WDFY3: variants seen among roughly 807,000 people sequenced by gnomAD.
The protein encoded by WDFY3 is WD repeat and FYVE domain containing 3, also known as WD repeat and FYVE domain-containing protein 3.
WDFY3 carries 66 observed loss-of-function variants against 409.6 expected under a neutral mutation model. That is an observed-to-expected ratio of 0.16 (90% CI 0.13 to 0.20). WDFY3 has a LOEUF of 0.20. Ranked by LOEUF, WDFY3 falls within the 10% of genes least tolerant of loss-of-function variation. The pLI is 1.00. For synonymous variants in WDFY3, 1,521 were observed against 1,537.1 expected, an observed-to-expected ratio of 0.99 and a Z score of 0.25; for missense variants, 3,031 against 4,298.1, an observed-to-expected ratio of 0.71 and a Z score of 8.24.
Position 84,709,118 on chromosome 4 carries a change from A to C in WDFY3, c.8098-90T>G. The C allele has an allele frequency of 3.3e-6, 5 of 1,526,770 alleles. No individual in the cohort carries two copies. The South Asian group carries it at 6.3e-5, about 19-fold the overall frequency. 94.6% of individuals were successfully genotyped at this position (1,526,770 alleles called of 1,614,324 possible). Reference sequence around the variant, plus strand: ...TTTTATATACAAAATGATGTAAAGGACAGTTTCTTTTTAACAGATTTCAGA... The same window carrying C: ...TTTTATATACAAAATGATGTAAAGGCCAGTTTCTTTTTAACAGATTTCAGA... On this transcript the variant is annotated intron_variant, in intron 52 of 67. Coordinates refer to ENST00000295888, the MANE Select transcript of WDFY3 (RefSeq NM_014991.6).
chr4:84,934,658 T>A (rs892709947), intron 1 of WDFY3, among the ~76,000 whole-genome samples: 4 of 152,284 alleles, frequency 2.6e-5, no homozygotes, highest in African/African-American at 9.6e-5. Flanking sequence ...TTTAATATAT[T>A]AATTATTACA....
At chr4:84,850,399 A>G (rs1318855372) in intron 4 of WDFY3, among the ~76,000 whole-genome samples, 1 of 151,970 alleles carries the variant, frequency 6.6e-6, no homozygotes, top group African/African-American at 2.4e-5. Flanking sequence ...GCTCACTGCA[A>G]CCTCTGCCTT....
At chr4:84,717,795 T>C (rs1399284175) in intron 48 of WDFY3, among the ~76,000 whole-genome samples, 1 of 152,144 alleles carries the variant, frequency 6.6e-6, no homozygotes, top group Non-Finnish European at 1.5e-5. Context: ...ACGCCTGTAA[T>C]CCCAACACTT....
intron 8 of WDFY3, 72 bp from the exon 9 acceptor site, chr4:84,829,262 T>A (rs2149900310): frequency 8.2e-7 from 1 of 1,219,596 alleles, no homozygotes; most frequent in Non-Finnish European, 1.1e-6. Flanking sequence ...AATTGTTAAC[T>A]GTTGTTTAAT....
intron 36 of WDFY3, among the ~76,000 whole-genome samples, chr4:84,747,502 C>A (rs953466078): frequency 1.1e-4 from 17 of 152,096 alleles, no homozygotes; most frequent in Non-Finnish European, 1.8e-4. Flanking sequence ...ATGGGGAGCT[C>A]TTGTAGAAGA....
rs1323121255 is a variant in WDFY3, at chr4:84,787,536, T to C, written c.3847A>G (p.Ile1283Val). 6 of 1,614,164 alleles carry C rather than the reference T, an allele frequency of 3.7e-6. No homozygotes were observed. The highest frequency in any genetic ancestry group is 1.7e-5 in the Admixed American group (1 of 60,008). The change falls in exon 23 of 68, where the codon ATT becomes GTT. Residue 1283 changes from isoleucine (I) to valine (V), a missense_variant. Physicochemically the swap from Ile to Val is conservative, Grantham distance 29. Transcript: ENST00000295888. Reference protein sequence around the residue: ...EVLPSSNVTTIYELGPNYVGS... With the variant: ...EVLPSSNVTTVYELGPNYVGS... The stretch of plus-strand genomic sequence containing the variant: ...ACATAATTTGGTCCAAGTTCATAAA[T>C]GGTAGTAACATTTGAAGAAGGTAAA...
rs751998298 is a variant in WDFY3 at position 84,704,400 on chromosome 4, T to C, written c.8380A>G (p.Met2794Val). 1.2e-6 allele frequency: 2 copies of C among 1,613,254 alleles called. No individual in the cohort carries two copies. Among genetic ancestry groups the C allele is most frequent in the Non-Finnish European group, 1.7e-6 (2 of 1,179,668 alleles). The part of the protein sequence containing the change: ...YHYGTHYSSA[M>V]IVASYLVRME... ...CTTACAAGGTATGAGGCCACAATCA[T>C]TGCAGATGAATAGTGGGTCCCATAG... Residue 2794 changes from methionine (M) to valine (V), a missense_variant, in exon 55 of 68, where the codon ATG becomes GTG. Coordinates refer to ENST00000295888, the MANE Select transcript of WDFY3 (RefSeq NM_014991.6).
At chr4:84,689,622 T>C (rs778859827) in intron 61 of WDFY3, among the ~76,000 whole-genome samples, 4 of 152,206 alleles carry the variant, frequency 2.6e-5, no homozygotes, top group Non-Finnish European at 5.9e-5. Context: ...CTGTTTGAGT[T>C]TGGCTTTATA....
At chr4:84,678,318 G>A (rs1183257854) in intron 65 of WDFY3, 39 bp from the exon 66 acceptor site, 3 of 1,488,260 alleles carry the variant, frequency 2.0e-6, no homozygotes, top group Admixed American at 1.7e-5. Flanking sequence ...TAACTCAACT[G>A]AGAGAAGCCA....
chr4:84,893,569 G>A (rs1399039670), intron 3 of WDFY3, among the ~76,000 whole-genome samples: 1 of 152,100 alleles, frequency 6.6e-6, no homozygotes, highest in East Asian at 1.9e-4. Flanking sequence ...GATAAATTTA[G>A]AGTAGGTACA....
chr4:84,698,412 G>A (rs1286795376), intron 56 of WDFY3, among the ~76,000 whole-genome samples: 2 of 151,098 alleles, frequency 1.3e-5, no homozygotes, highest in African/African-American at 4.9e-5. Flanking sequence ...AGCCTCCCAC[G>A]TACAGGCACG....
rs1476467822 is a variant in WDFY3 at position 84,844,508 on chromosome 4, T to A, written c.305-3245A>T. The A allele has an allele frequency of 2.3e-6, 3 of 1,289,458 alleles. No homozygotes were observed. The Admixed American group carries it at 6.9e-5, about 30-fold the overall frequency. The allele number at this position is 1,289,458 out of a possible 1,614,324, so 79.9% of individuals were successfully genotyped here. ...TGGGGGACAGCAGGGCACACTGTTT[T>A]TCTGTTTAAAAAAAAAGGCTGGGTT... On this transcript the variant is annotated intron_variant, in intron 5 of 67. Coordinates refer to ENST00000295888, the MANE Select transcript of WDFY3 (RefSeq NM_014991.6).
chr4:84,893,983 C>T (rs186899773), intron 3 of WDFY3, among the ~76,000 whole-genome samples: 28 of 149,214 alleles, frequency 1.9e-4, no homozygotes, highest in Admixed American at 1.3e-3. Context: ...AGCAAGACTC[C>T]GTCTCAAAAA....
intron 5 of WDFY3, among the ~76,000 whole-genome samples, chr4:84,843,639 T>A (rs1757687420): frequency 6.6e-6 from 1 of 152,154 alleles, no homozygotes; most frequent in Non-Finnish European, 1.5e-5. Flanking sequence ...ATTCAAGTGA[T>A]CCTCCTGTCT....
At chr4:84,877,924 C>T (rs1314260256) in intron 3 of WDFY3, among the ~76,000 whole-genome samples, 1 of 151,936 alleles carries the variant, frequency 6.6e-6, no homozygotes, top group African/African-American at 2.4e-5. Context: ...TTAAAATAGA[C>T]CAAAGGGGGC....
At chr4:84,736,413 C>T in intron 41 of WDFY3, 86 bp from the exon 42 acceptor site, 1 of 1,309,738 alleles carries the variant, frequency 7.6e-7, no homozygotes, top group Non-Finnish European at 1.0e-6. Flanking sequence ...TTATAAACTA[C>T]AACCCTGTAG....
chr4:84,719,532 TA>T lies in WDFY3; in HGVS notation c.7606-963del, dbSNP rs144456670. Among the ~76,000 whole-genome samples the T allele has an allele frequency of 6.1e-3, 933 of 152,312 alleles. 11 individuals are homozygous for T. Among genetic ancestry groups the T allele is most frequent in the African/African-American group, 0.022 (898 of 41,566 alleles). On this transcript the variant is annotated intron_variant, in intron 47 of 67. Transcript: ENST00000295888. ...ACTGTACTCATGAGATTAAAAGTTTTAAAAATGAAAGCATTGTAATAGGTTT... is the reference window on the plus strand; with the variant it reads ...ACTGTACTCATGAGATTAAAAGTTTTAAAATGAAAGCATTGTAATAGGTTT...
intron 3 of WDFY3, among the ~76,000 whole-genome samples, chr4:84,893,310 T>C (rs1765183149): frequency 6.6e-6 from 1 of 152,236 alleles, no homozygotes; most frequent in Admixed American, 6.5e-5. Context: ...TGGGAGACTC[T>C]GTGCTGTGTT....
chr4:84,779,536 T>C (rs1212608513), intron 26 of WDFY3, among the ~76,000 whole-genome samples: 1 of 151,998 alleles, frequency 6.6e-6, no homozygotes, highest in Non-Finnish European at 1.5e-5. Context: ...CCTCAGCCTC[T>C]GAAGTAGCTG....
Sources: gnomAD v4.1 joint callset for allele counts (sites outside exome capture counted in the v4.1 genomes callset) on GRCh38, gnomAD v4.1.1 for gene constraint, MANE v1.5 for transcripts, NCBI Gene and HGNC (gene_info 2026-07-23, HGNC 2026-07-21) for gene names.